The following PKD1L1 variants were observed in gnomAD, a reference collection of about 807,000 sequenced individuals.
PKD1L1 encodes polycystin-1-like protein 1.
Under a neutral mutation model 323.4 loss-of-function variants are expected in PKD1L1, and 236 were observed. The observed-to-expected ratio is 0.73, with a 90% confidence interval of 0.66 to 0.81. The LOEUF is 0.81. Among genes scored for constraint, PKD1L1 ranks in the 40% least tolerant of loss-of-function variants. The pLI, the probability that PKD1L1 is intolerant of heterozygous loss-of-function variation, is 0.00. For missense variants in PKD1L1, 3,320 were observed against 3,508.0 expected, an observed-to-expected ratio of 0.95 and a Z score of 1.35; for synonymous variants, 1,344 against 1,335.0, an observed-to-expected ratio of 1.01 and a Z score of -0.15.
chr7:47,943,489 G>C lies in PKD1L1; in HGVS notation c.67C>G (p.Leu23Val). The change falls in exon 2 of 57, where the codon CTT (leucine) becomes GTT (valine). Residue 23 changes from leucine to valine, a missense_variant. Coordinates refer to ENST00000289672, the MANE Select transcript of PKD1L1 (RefSeq NM_138295.5). Reference protein sequence around the residue: ...QERCLQAACCLSFGGELSVST... With the variant: ...QERCLQAACCVSFGGELSVST... ...ACAGACAGCTCACCACCAAAGGAAA[G>C]GCAGCAGGCAGCCTGGAGACACCTA... The C allele has an allele frequency of 6.2e-7, 1 of 1,612,984 alleles. No homozygotes were observed. Among genetic ancestry groups the C allele is most frequent in the East Asian group, 2.2e-5 (1 of 44,816 alleles).
At chr7:47,894,377 A>G (rs1268425713) in intron 14 of PKD1L1, among the ~76,000 whole-genome samples, 2 of 152,180 alleles carry the variant, frequency 1.3e-5, no homozygotes, top group Admixed American at 1.3e-4. Context: ...CTCCCTCCAC[A>G]GTGAATTGTT....
At chr7:47,792,569 C>CT in intron 56 of PKD1L1, 58 bp downstream of exon 56, 5 of 1,513,544 alleles carry the variant, frequency 3.3e-6, no homozygotes, top group Non-Finnish European at 4.5e-6. Flanking sequence ...TCCAAAACTC[C>CT]TTTAGAACTT....
At chr7:47,956,467 T>C in the PKD1L1 span, among the ~76,000 whole-genome samples, 1 of 152,180 alleles carries the variant, frequency 6.6e-6, no homozygotes, top group Non-Finnish European at 1.5e-5. Context: ...GCAGGGAACC[T>C]GGGCTTAGGG....
intron 23 of PKD1L1, 39 bp downstream of exon 23, chr7:47,876,058 T>G (rs201713168): frequency 6.6e-5 from 106 of 1,607,102 alleles, no homozygotes; most frequent in Non-Finnish European, 8.8e-5. Flanking sequence ...GAACTGTAGG[T>G]TGGCACAGCT....
intron 21 of PKD1L1, among the ~76,000 whole-genome samples, chr7:47,880,122 C>T (rs1258031898): frequency 6.7e-6 from 1 of 148,484 alleles, no homozygotes; most frequent in Non-Finnish European, 1.5e-5. Context: ...TTTCAATGAA[C>T]ATCAGTGGCA....
At chr7:47,854,615 T>A (rs1290939309) in intron 30 of PKD1L1, among the ~76,000 whole-genome samples, 1 of 152,190 alleles carries the variant, frequency 6.6e-6, no homozygotes, top group Non-Finnish European at 1.5e-5. Flanking sequence ...CTGAAAGAAT[T>A]AGATTTCTAA....
At position 47,796,803 on chromosome 7, in the gene PKD1L1, T is replaced by C. The variant is rs913822751; in HGVS notation, c.8194-653A>G. On this transcript the variant is annotated intron_variant, in intron 54 of 56. Transcript: ENST00000289672. ...GAGATTGAAACCATCCTGGCTAACA[T>C]GGTGAAACCCTGTCTCTCCTAAATT... Among the ~76,000 whole-genome samples, 7 of 141,204 alleles carry C rather than the reference T, an allele frequency of 5.0e-5. No homozygotes were observed. In the East Asian group the frequency reaches 1.0e-3, roughly 20 times the overall value. The allele number at this position is 141,204 out of a possible 152,430, so 92.6% of individuals were successfully genotyped here.
At chr7:47,832,505 T>C (rs1785367686) in intron 41 of PKD1L1, among the ~76,000 whole-genome samples, 1 of 152,240 alleles carries the variant, frequency 6.6e-6, no homozygotes, top group South Asian at 2.1e-4. Context: ...CCAGTCACTG[T>C]GAACAAGCAC....
chr7:47,836,971 A>T lies in PKD1L1; in HGVS notation c.5893T>A (p.Cys1965Ser). The T allele has an allele frequency of 6.2e-7, 1 of 1,614,212 alleles. No individual in the cohort carries two copies. The highest frequency in any genetic ancestry group is 8.5e-7 in the Non-Finnish European group (1 of 1,180,048). ...PRLTVSFSLL[C>S]VYACLTALVA... The stretch of plus-strand genomic sequence containing the variant: ...AGGGCAGTGAGACACGCGTAGACGC[A>T]CAGCAGGGAGAAGGACACGGTGAGG... Residue 1965 changes from cysteine to serine, a missense_variant, in exon 37 of 57, where the codon TGC becomes AGC. Transcript: ENST00000289672.
chr7:47,774,693 A>C lies in PKD1L1; in HGVS notation c.*450T>G, dbSNP rs1786530152. ...TTAATCTAGCAAGATTCAATTGTTAAATTTACAAAATAAGGATTTTACTTC... is the reference window on the plus strand; with the variant it reads ...TTAATCTAGCAAGATTCAATTGTTACATTTACAAAATAAGGATTTTACTTC... On this transcript the variant is annotated 3_prime_UTR_variant, in exon 57 of 57. Coordinates refer to ENST00000289672, the MANE Select transcript of PKD1L1 (RefSeq NM_138295.5). 6.5e-6 allele frequency: 1 copy of C among 152,970 alleles called. No individual in the cohort carries two copies. Among genetic ancestry groups the C allele is most frequent in the Admixed American group, 6.5e-5 (1 of 15,294 alleles). 9.5% of individuals were successfully genotyped at this position (152,970 alleles called of 1,614,324 possible). A position where few individuals can be genotyped will look rare whatever the true frequency, so the allele number is the denominator to read the frequency against.
At chr7:47,893,319 T>G (rs1464793874) in intron 15 of PKD1L1, among the ~76,000 whole-genome samples, 1 of 150,634 alleles carries the variant, frequency 6.6e-6, no homozygotes, top group East Asian at 1.9e-4. Context: ...GGCAGGTGTG[T>G]GGCTGAGATG....
At chr7:47,880,542 AAAGTGCTGGGATTACAAGCGTGAG>A (rs1283388218) in intron 21 of PKD1L1, among the ~76,000 whole-genome samples, 162 bp downstream of exon 21, 21 of 64,782 alleles carry the variant, frequency 3.2e-4, no homozygotes, top group African/African-American at 2.6e-3. Flanking sequence ...TCGGCCTCCC[AAAGTGCTGGGATTACAAGCGTGAG>A]CCACTGTGCC....
At chr7:47,947,258 C>T (rs954602087) in intron 1 of PKD1L1, among the ~76,000 whole-genome samples, 4 of 152,202 alleles carry the variant, frequency 2.6e-5, no homozygotes, top group African/African-American at 9.7e-5. Context: ...GGCACAAAGA[C>T]AGTAAGCTAA....
At chr7:47,813,602 A>C in intron 48 of PKD1L1, 1 of 663,440 alleles carries the variant, frequency 1.5e-6, no homozygotes, top group Non-Finnish European at 2.8e-6. Context: ...TACCCTCCCC[A>C]TTAGAAAAAG....
chr7:47,890,805 C>A, intron 15 of PKD1L1, 42 bp from the exon 16 acceptor site: 1 of 1,577,180 alleles, frequency 6.3e-7, no homozygotes, highest in Non-Finnish European at 8.7e-7. Context: ...GAGCATCAGG[C>A]AGAGTCAGGG....
At chr7:47,873,027 C>A (rs1786316692) in intron 24 of PKD1L1, among the ~76,000 whole-genome samples, 1 of 152,106 alleles carries the variant, frequency 6.6e-6, no homozygotes, top group Non-Finnish European at 1.5e-5. Flanking sequence ...AGATGAAACT[C>A]AAAAACATTC....
intron 7 of PKD1L1, among the ~76,000 whole-genome samples, chr7:47,916,762 T>A (rs150113749): frequency 6.6e-6 from 1 of 152,060 alleles, no homozygotes; most frequent in Non-Finnish European, 1.5e-5. Flanking sequence ...GGAAGCCACA[T>A]CCATAGGAAA....
At position 47,931,087 on chromosome 7, in the gene PKD1L1, T is replaced by C. The variant is rs369798853; in HGVS notation, c.737+17A>G. On this transcript the variant is annotated intron_variant, in intron 6 of 56. Transcript: ENST00000289672. ...ATTGGAGAAGTGGTGCTGGCCTCCA[T>C]ACCTCCTTCACCGTACCTTCTGGGA... The C allele has an allele frequency of 6.2e-6, 10 of 1,610,092 alleles. No homozygotes were observed. The highest frequency in any genetic ancestry group is 7.6e-6 in the Non-Finnish European group (9 of 1,177,432).
Position 47,930,891 on chromosome 7 carries a change from G to A in PKD1L1, c.737+213C>T, listed in dbSNP as rs116270824. ...TTTAGTCTCAGTATGTGATTGATGGGAAACATAAAGGCAACCAAGTGGCAT... is the reference window on the plus strand; with the variant it reads ...TTTAGTCTCAGTATGTGATTGATGGAAAACATAAAGGCAACCAAGTGGCAT... On this transcript the variant is annotated intron_variant, in intron 6 of 56. Coordinates refer to ENST00000289672, the MANE Select transcript of PKD1L1 (RefSeq NM_138295.5). 3.0e-3 allele frequency among the ~76,000 whole-genome samples: 464 copies of A among 152,286 alleles called. 1 individual carries two copies. Among genetic ancestry groups the A allele is most frequent in the African/African-American group, 0.011 (450 of 41,552 alleles).
Sources: gnomAD v4.1 joint callset for allele counts (sites outside exome capture counted in the v4.1 genomes callset) on GRCh38, gnomAD v4.1.1 for gene constraint, MANE v1.5 for transcripts, NCBI Gene and HGNC (gene_info 2026-07-23, HGNC 2026-07-21) for gene names.